CYP24A1: variants seen among roughly 807,000 people sequenced by gnomAD.
CYP24A1 encodes 1,25-dihydroxyvitamin D(3) 24-hydroxylase, mitochondrial.
In CYP24A1, 68 loss-of-function variants were observed where a neutral mutation model predicts 62.4. The observed-to-expected ratio is 1.09, with a 90% CI of 0.90 to 1.33. CYP24A1 has a LOEUF of 1.33. CYP24A1 is among the 40% of genes most tolerant of loss of function. The probability of loss-of-function intolerance (pLI) is 0.00; values close to 1 mark genes in which losing one functional copy is unlikely to be tolerated. For missense variants in CYP24A1, 787 were observed against 653.0 expected, an observed-to-expected ratio of 1.21 and a Z score of -2.24; for synonymous variants, 267 against 253.0, an observed-to-expected ratio of 1.06 and a Z score of -0.52.
downstream of CYP24A1, among the ~76,000 whole-genome samples, chr20:54,148,810 A>G (rs4809955): frequency 0.2 from 29,909 of 152,170 alleles, 3,443 homozygotes; most frequent in African/African-American, 0.3. Flanking sequence ...ATAAATAGAC[A>G]TAAATTATAA....
At chr20:54,148,902 C>T (rs545857298), downstream of CYP24A1, among the ~76,000 whole-genome samples, 14 of 152,154 alleles carry the variant, frequency 9.2e-5, no homozygotes, top group Non-Finnish European at 1.9e-4. Context: ...GTCGAGAGAT[C>T]GAGACCATCC....
rs1260090298 is a variant in CYP24A1, at chr20:54,159,037, TAC to T, written c.1075_1076del (p.Val359IlefsTer3). ...QQKLLKEIQS[V>X]LPENQVPRAE... ...CCCGTGGCACCTGATTCTCAGGTAA[TAC>T]ACTTTGAATTTCCTTAAGAAGCTTT... On this transcript the variant is annotated frameshift_variant, in exon 8 of 12. Transcript: ENST00000216862. LOFTEE classifies it high-confidence loss of function. 6.2e-7 allele frequency: 1 copy of T among 1,613,994 alleles called. No individual in the cohort carries two copies. Among genetic ancestry groups the T allele is most frequent in the Non-Finnish European group, 8.5e-7 (1 of 1,179,942 alleles).
rs1183789767 is a variant in CYP24A1 at position 54,172,943 on chromosome 20, C to A, written c.415G>T (p.Asp139Tyr). ...AGCCCGTAGCCTTCTTTGCGGTAGT[C>A]GCGATAGGCCTTCCACGGTTTGATC... is the stretch of plus-strand genomic sequence containing the variant. The part of the protein sequence containing the change: ...LEIKPWKAYR[D>Y]YRKEGYGLLI... The change falls in exon 2 of 12, where the codon GAC becomes TAC. Residue 139 changes from aspartate (D) to tyrosine (Y), a missense_variant. Asp to Tyr is a radical substitution (Grantham distance 160). Transcript: ENST00000216862. 3 of 1,613,648 alleles carry A rather than the reference C, an allele frequency of 1.9e-6. No individual in the cohort carries two copies. Among genetic ancestry groups the A allele is most frequent in the African/African-American group, 2.7e-5 (2 of 74,920 alleles).
Position 54,169,697 on chromosome 20 carries a change from A to G in CYP24A1, c.544-9T>C, listed in dbSNP as rs2092687409. On this transcript the variant is annotated splice_polypyrimidine_tract_variant and intron_variant, in intron 3 of 11. Transcript: ENST00000216862. Reference sequence around the variant, plus strand: ...ATAAAATCGGCCAAGACCTTCAAAGAAAACAACCGCAAAAGACACATTTTA... The same window carrying G: ...ATAAAATCGGCCAAGACCTTCAAAGGAAACAACCGCAAAAGACACATTTTA... 4 of 1,613,890 alleles carry G rather than the reference A, an allele frequency of 2.5e-6. No individual in the cohort carries two copies. Among genetic ancestry groups the G allele is most frequent in the Non-Finnish European group, 3.4e-6 (4 of 1,179,976 alleles).
chr20:54,169,655 G>T lies in CYP24A1; in HGVS notation c.577C>A (p.Leu193Ile), dbSNP rs377696502. The T allele has an allele frequency of 1.2e-3, 1,906 of 1,614,158 alleles. 26 individuals carry two copies. The South Asian group carries it at 0.02, about 17-fold the overall frequency. The change falls in exon 4 of 12, where the codon CTC becomes ATC. Residue 193 changes from leucine (L) to isoleucine (I), a missense_variant. Transcript: ENST00000216862. ...LADFMGRIDE[L>I]CDERGHVEDL... is the part of the protein sequence containing the mutation. Reference sequence around the variant, plus strand: ...TCAACGTGGCCTCTTTCATCACAGAGCTCATCTATTCTGCCCATAAAATCG... The same window carrying T: ...TCAACGTGGCCTCTTTCATCACAGATCTCATCTATTCTGCCCATAAAATCG...
chr20:54,171,605 A>G lies in CYP24A1; in HGVS notation c.515T>C (p.Val172Ala). 1 of 1,613,794 alleles carries G rather than the reference A, an allele frequency of 6.2e-7. No homozygotes were observed. Among genetic ancestry groups the G allele is most frequent in the Non-Finnish European group, 8.5e-7 (1 of 1,179,842 alleles). The part of the protein sequence containing the change: ...FQKKLMKPGE[V>A]MKLDNKINEV... ...ATTGATTTTGTTGTCCAGCTTCATC[A>G]CTTCCCCTGGTTTCATTAGTTTCTT... Residue 172 changes from valine to alanine, a missense_variant, in exon 3 of 12, where the codon GTG becomes GCG. Coordinates refer to ENST00000216862, the MANE Select transcript of CYP24A1 (RefSeq NM_000782.5).
intron 7 of CYP24A1, chr20:54,162,475 A>T: frequency 3.6e-6 from 1 of 280,624 alleles, no homozygotes; most frequent in Non-Finnish European, 6.1e-6. Context: ...CCCAGAGTTT[A>T]AGCACAGAAG....
chr20:54,167,491 G>A (rs2092676147), intron 4 of CYP24A1, among the ~76,000 whole-genome samples: 1 of 152,180 alleles, frequency 6.6e-6, no homozygotes, highest in African/African-American at 2.4e-5. Flanking sequence ...ACAAAAGTTA[G>A]TCAGGCGTGG....
At chr20:54,154,981 A>G (rs2092622109) in intron 11 of CYP24A1, 2 of 140,296 alleles carry the variant, frequency 1.4e-5, no homozygotes, top group Admixed American at 7.3e-5. Flanking sequence ...AAAAAAAAAA[A>G]AAGGTATACC....
Position 54,157,524 on chromosome 20 carries a change from C to T in CYP24A1, c.1298G>A (p.Ser433Asn), listed in dbSNP as rs555995872. The T allele has an allele frequency of 1.9e-6, 3 of 1,604,450 alleles. No individual in the cohort carries two copies. Among genetic ancestry groups the T allele is most frequent in the East Asian group, 2.2e-5 (1 of 44,842 alleles). The change falls in exon 10 of 12, where the codon AGT becomes AAT. Residue 433 changes from serine to asparagine, a missense_variant. Ser to Asn is a conservative substitution (Grantham distance 46, BLOSUM62 1). Transcript: ENST00000216862. ...AAGCCAACGTTCAGGTCTAAACTGA[C>T]TTGAATCTTCAAAATTGTCTTCACT... is the stretch of plus-strand genomic sequence containing the variant. The part of the protein sequence containing the change: ...GSSEDNFEDS[S>N]QFRPERWLQE...
downstream of CYP24A1, among the ~76,000 whole-genome samples, chr20:54,153,207 G>T (rs6013904): frequency 0.013 from 2,023 of 152,230 alleles, 49 homozygotes; most frequent in African/African-American, 0.047. Flanking sequence ...GATTGGAAAG[G>T]GGGTAGAGAT....
chr20:54,172,904 C>G lies in CYP24A1; in HGVS notation c.449+5G>C. 6.2e-7 allele frequency: 1 copy of G among 1,613,742 alleles called. No homozygotes were observed. The highest frequency in any genetic ancestry group is 8.5e-7 in the Non-Finnish European group (1 of 1,180,042). ...GCATGCCCAGGTCCCTCGGATTGGA[C>G]TCACAGGATCAGCAGCCCGTAGCCT... On this transcript the variant is annotated splice_donor_5th_base_variant and intron_variant, in intron 2 of 11. Coordinates refer to ENST00000216862, the MANE Select transcript of CYP24A1 (RefSeq NM_000782.5).
At chr20:54,165,887 T>A in intron 4 of CYP24A1, 54 bp from the exon 5 acceptor site, 1 of 917,094 alleles carries the variant, frequency 1.1e-6, no homozygotes, top group Non-Finnish European at 1.8e-6. Flanking sequence ...GGAGTTGGAG[T>A]CTATGTTTAG....
chr20:54,145,699 C>T, the CYP24A1 span, among the ~76,000 whole-genome samples: 3 of 151,276 alleles, frequency 2.0e-5, no homozygotes, highest in Non-Finnish European at 2.9e-5. Context: ...AGGGCCTCCC[C>T]AACACAATTG....
intron 7 of CYP24A1, among the ~76,000 whole-genome samples, chr20:54,160,777 C>T (rs2146474300): frequency 6.6e-6 from 1 of 152,292 alleles, no homozygotes; most frequent in Non-Finnish European, 1.5e-5. Flanking sequence ...ATAGAGTTTC[C>T]AAAGGGCAGA....
At chr20:54,156,287 A>C (rs537742697) in intron 11 of CYP24A1, among the ~76,000 whole-genome samples, 1 of 152,336 alleles carries the variant, frequency 6.6e-6, no homozygotes, top group South Asian at 2.1e-4. Context: ...ATGAAATTAA[A>C]TTTATGAACT....
rs1253638152 is a variant in CYP24A1, at chr20:54,157,564, G to C, written c.1258C>G (p.Gln420Glu). Reference protein sequence around the residue: ...PKGTVLMLNTQVLGSSEDNFE... With the variant: ...PKGTVLMLNTEVLGSSEDNFE... ...TTGTCTTCACTGGATCCCAACACCT[G>C]GGTATTTAGCATGAGCACTGTCTAA... The change falls in exon 10 of 12, where the codon CAG (glutamine) becomes GAG (glutamate). Residue 420 changes from glutamine to glutamate, a missense_variant. Coordinates refer to ENST00000216862, the MANE Select transcript of CYP24A1 (RefSeq NM_000782.5). 6.3e-7 allele frequency: 1 copy of C among 1,591,826 alleles called. No homozygotes were observed. Among genetic ancestry groups the C allele is most frequent in the Non-Finnish European group, 8.6e-7 (1 of 1,159,784 alleles).
At chr20:54,168,730 T>C (rs1373342541) in intron 4 of CYP24A1, among the ~76,000 whole-genome samples, 1 of 146,718 alleles carries the variant, frequency 6.8e-6, no homozygotes, top group Non-Finnish European at 1.5e-5. Context: ...TCTCTTTTTC[T>C]TTTCCTTCCC....
chr20:54,172,016 C>T (rs1568975323), intron 2 of CYP24A1: 3 of 368,480 alleles, frequency 8.1e-6, no homozygotes, highest in South Asian at 2.3e-5. Context: ...GGCATGTGAA[C>T]ACCCCATCAC....
Sources: allele counts gnomAD v4.1 joint callset (sites outside exome capture counted in the v4.1 genomes callset), GRCh38; gene constraint gnomAD v4.1.1; transcripts MANE v1.5; gene names NCBI Gene and HGNC (gene_info 2026-07-23, HGNC 2026-07-21).